NUMB: variants seen among roughly 807,000 people sequenced by gnomAD.
The protein encoded by NUMB is protein numb homolog.
Under a neutral mutation model 59.7 loss-of-function variants are expected in NUMB, and 29 were observed. That is an observed-to-expected ratio of 0.49 (90% confidence interval 0.36 to 0.66). The LOEUF (loss-of-function observed/expected upper bound fraction) is 0.66, where lower values mean the gene tolerates loss of function less well. NUMB is among the 30% of genes least tolerant of loss of function. The probability of loss-of-function intolerance (pLI) is 0.00; values close to 1 mark genes in which losing one functional copy is unlikely to be tolerated. For synonymous variants in NUMB, 288 were observed against 288.2 expected, an observed-to-expected ratio of 1.00 and a Z score of 0.01; for missense variants, 723 against 822.0, an observed-to-expected ratio of 0.88 and a Z score of 1.47.
At chr14:73,445,381 A>AAAAAAAAAAAAAAAAC (rs1883415979) in intron 1 of NUMB, among the ~76,000 whole-genome samples, 1 of 129,788 alleles carries the variant, frequency 7.7e-6, no homozygotes, top group Non-Finnish European at 1.7e-5. Context: ...AAAAAAAAAA[A>AAAAAAAAAAAAAAAAC]AAAAAAAAAA....
In NUMB at chr14:73,352,506, A is replaced by G. The variant is rs867937727; in HGVS notation, c.126+3120T>C. The stretch of plus-strand genomic sequence containing the variant: ...TATATATATATATATATATATATAT[A>G]TATATATATATATATATATATATGT... On this transcript the variant is annotated intron_variant, in intron 4 of 12. Coordinates refer to ENST00000555238, the MANE Select transcript of NUMB (RefSeq NM_001005743.2). Among the ~76,000 whole-genome samples, 61 of 12,480 alleles carry G rather than the reference A, an allele frequency of 4.9e-3. 11 individuals carry two copies. Among genetic ancestry groups the G allele is most frequent in the African/African-American group, 0.026 (53 of 2,004 alleles). The allele number at this position is 12,480 out of a possible 152,430, so 8.2% of individuals were successfully genotyped here. A position where few individuals can be genotyped will look rare whatever the true frequency, so the allele number is the denominator to read the frequency against.
chr14:73,457,113 C>G (rs1884433666), intron 1 of NUMB, among the ~76,000 whole-genome samples: 1 of 152,026 alleles, frequency 6.6e-6, no homozygotes, highest in African/African-American at 2.4e-5. Context: ...GATGAGGAAA[C>G]TGCACAGAAA....
intron 4 of NUMB, 64 bp from the exon 5 acceptor site, chr14:73,323,268 C>T: frequency 9.0e-7 from 1 of 1,115,714 alleles, no homozygotes; most frequent in Non-Finnish European, 1.3e-6. Flanking sequence ...ATACAGTAAG[C>T]ATTAGGTGAA....
chr14:73,306,716 C>T (rs1263258094), intron 6 of NUMB, among the ~76,000 whole-genome samples: 1 of 152,202 alleles, frequency 6.6e-6, no homozygotes, highest in African/African-American at 2.4e-5. Context: ...TTCACTCTTC[C>T]TTTTTGCTCC....
intron 2 of NUMB, among the ~76,000 whole-genome samples, chr14:73,407,943 C>T (rs1426825296): frequency 6.6e-6 from 1 of 152,106 alleles, no homozygotes; most frequent in Non-Finnish European, 1.5e-5. Context: ...ACTGAAAAAA[C>T]TTGGCCGGGC....
chr14:73,385,504 T>TTTTTTTTTTTTTTTTTTTTTTTG, intron 2 of NUMB, among the ~76,000 whole-genome samples: 1 of 142,360 alleles, frequency 7.0e-6, no homozygotes. Context: ...GCCTTTTTTT[T>TTTTTTTTTTTTTTTTTTTTTTTG]TTTTTTTTTT....
At chr14:73,394,422 A>AG (rs1555377800) in intron 2 of NUMB, among the ~76,000 whole-genome samples, 3,105 of 147,728 alleles carry the variant, frequency 0.021, 100 homozygotes, top group African/African-American at 0.064. Context: ...AAAAAAAAAA[A>AG]AGAGAGAGAG....
intron 6 of NUMB, among the ~76,000 whole-genome samples, chr14:73,301,802 C>T (rs566545374): frequency 2.0e-4 from 31 of 152,022 alleles, no homozygotes; most frequent in Admixed American, 1.6e-3. Flanking sequence ...CATGTGTGGC[C>T]GGGTGTGGTG....
At chr14:73,318,903 A>G (rs142704385) in intron 5 of NUMB, among the ~76,000 whole-genome samples, 73 of 152,334 alleles carry the variant, frequency 4.8e-4, no homozygotes, top group Non-Finnish European at 8.1e-4. Flanking sequence ...AAGTTAATGT[A>G]ATTCTAAATT....
chr14:73,322,216 GAGA>G (rs1274298769), intron 5 of NUMB, among the ~76,000 whole-genome samples: 3 of 152,216 alleles, frequency 2.0e-5, no homozygotes, highest in African/African-American at 7.2e-5. Context: ...ACATATTAGA[GAGA>G]AGGAGGGTTG....
intron 1 of NUMB, among the ~76,000 whole-genome samples, chr14:73,456,183 C>T (rs1318128903): frequency 2.6e-5 from 4 of 151,572 alleles, no homozygotes; most frequent in African/African-American, 9.7e-5. Flanking sequence ...GATCTCGGCT[C>T]ACTGCAACCT....
chr14:73,289,040 C>G (rs1566727912), intron 8 of NUMB, among the ~76,000 whole-genome samples: 1 of 152,046 alleles, frequency 6.6e-6, no homozygotes, highest in Non-Finnish European at 1.5e-5. Flanking sequence ...AACAAACAAA[C>G]AAACAAAACT....
chr14:73,316,688 A>G (rs1282171451), intron 5 of NUMB, among the ~76,000 whole-genome samples: 2 of 152,244 alleles, frequency 1.3e-5, no homozygotes, highest in African/African-American at 4.8e-5. Context: ...GCAACCAGTT[A>G]GTTTAGTAAT....
At position 73,353,072 on chromosome 14, in the gene NUMB, GTTTTTTTTTTTTTT is replaced by G. The variant is rs71112737; in HGVS notation, c.126+2540_126+2553del. Among the ~76,000 whole-genome samples the G allele has an allele frequency of 6.5e-4, 38 of 58,524 alleles. No homozygotes were observed. In the East Asian group the frequency reaches 0.018, roughly 27 times the overall value. 38.4% of individuals were successfully genotyped at this position (58,524 alleles called of 152,430 possible). A position where few individuals can be genotyped will look rare whatever the true frequency, so the allele number is the denominator to read the frequency against. On this transcript the variant is annotated intron_variant, in intron 4 of 12. Transcript: ENST00000555238. ...CTTAATGGATGCCACAGTTTTTCTT[GTTTTTTTTTTTTTT>G]TTTTTTTTTTTTTTTGAGACAGAGT...
Position 73,277,312 on chromosome 14 carries a change from G to C in NUMB, c.1241-19C>G. On this transcript the variant is annotated intron_variant, in intron 12 of 12. Coordinates refer to ENST00000555238, the MANE Select transcript of NUMB (RefSeq NM_001005743.2). ...TCGGTCCCTGGAACCAACAAGATGA[G>C]AGACAAAAGAATCAGTTAGGGGCAT... The C allele has an allele frequency of 1.3e-6, 2 of 1,559,458 alleles. No individual in the cohort carries two copies. Among genetic ancestry groups the C allele is most frequent in the Non-Finnish European group, 1.8e-6 (2 of 1,142,338 alleles).
In NUMB at chr14:73,279,167, T is replaced by C. The variant is rs912898950; in HGVS notation, c.1240+114A>G. 4.8e-5 allele frequency: 57 copies of C among 1,184,628 alleles called. No homozygotes were observed. The South Asian group carries it at 6.6e-4, about 14-fold the overall frequency. The allele number at this position is 1,184,628 out of a possible 1,614,324, so 73.4% of individuals were successfully genotyped here. A position where few individuals can be genotyped will look rare whatever the true frequency, so the allele number is the denominator to read the frequency against. ...AGCAACTTATTTCTAGGAGGGAACA[T>C]AGTTTTCCTGAAAGGATTCCTCCCT... On this transcript the variant is annotated intron_variant, in intron 12 of 12. Transcript: ENST00000555238.
At chr14:73,322,726 T>C (rs1891468037) in intron 5 of NUMB, 2 of 152,420 alleles carry the variant, frequency 1.3e-5, no homozygotes, top group Non-Finnish European at 2.9e-5. Context: ...TTCATATGGG[T>C]TATAAATCAA....
At chr14:73,362,591 C>T (rs1894147244) in intron 3 of NUMB, among the ~76,000 whole-genome samples, 2 of 151,978 alleles carry the variant, frequency 1.3e-5, no homozygotes, top group Admixed American at 6.6e-5. Flanking sequence ...TACAGGTGCG[C>T]ACCACCATGC....
chr14:73,340,506 T>C (rs1420441218), intron 4 of NUMB, among the ~76,000 whole-genome samples: 1 of 152,218 alleles, frequency 6.6e-6, no homozygotes, highest in Middle Eastern at 3.2e-3. Context: ...TACTTATTCA[T>C]AGTCTAATAC....
Sources: allele counts gnomAD v4.1 joint callset (sites outside exome capture counted in the v4.1 genomes callset), GRCh38; gene constraint gnomAD v4.1.1; transcripts MANE v1.5; gene names NCBI Gene and HGNC (gene_info 2026-07-23, HGNC 2026-07-21).